Variants in ATF7IP observed in about 807,000 individuals in gnomAD.
ATF7IP encodes the protein activating transcription factor 7 interacting protein, also known as activating transcription factor 7-interacting protein 1.
In ATF7IP, 23 loss-of-function variants were observed where a neutral mutation model predicts 106.4. The observed-to-expected ratio is 0.22, with a 90% CI of 0.16 to 0.31. The LOEUF is 0.31. Among genes scored for constraint, ATF7IP ranks in the 10% least tolerant of loss-of-function variants. The pLI, the probability that ATF7IP is intolerant of heterozygous loss-of-function variation, is 1.00. For synonymous variants in ATF7IP, 542 were observed against 539.0 expected, an observed-to-expected ratio of 1.01 and a Z score of -0.08; for missense variants, 1,334 against 1,524.3, an observed-to-expected ratio of 0.88 and a Z score of 2.08.
At chr12:14,372,137 G>A (rs1352154018) in intron 1 of ATF7IP, among the ~76,000 whole-genome samples, 1 of 152,028 alleles carries the variant, frequency 6.6e-6, no homozygotes, top group Non-Finnish European at 1.5e-5. Context: ...TTATTAGAGA[G>A]GCCAAGAGTA....
chr12:14,412,623 CTT>C (rs1185165075), intron 1 of ATF7IP, among the ~76,000 whole-genome samples: 1 of 151,956 alleles, frequency 6.6e-6, no homozygotes, highest in Non-Finnish European at 1.5e-5. Context: ...TTGTTAAACT[CTT>C]ATTCTAATAA....
rs373695319 is a variant in ATF7IP at position 14,446,970 on chromosome 12, C to T, written c.1930-18C>T. The stretch of plus-strand genomic sequence containing the variant: ...CTATTTGATTTCCATTCATTTTTGT[C>T]TTTTTTTTTTTTTTCAGGCCAAGAT... On this transcript the variant is annotated intron_variant, in intron 5 of 14. Transcript: ENST00000261168. 969 of 1,224,066 alleles carry T rather than the reference C, an allele frequency of 7.9e-4. No individual in the cohort carries two copies. The highest frequency in any genetic ancestry group is 2.5e-3 in the South Asian group (135 of 54,684). The allele number at this position is 1,224,066 out of a possible 1,614,324, so 75.8% of individuals were successfully genotyped here. A position where few individuals can be genotyped will look rare whatever the true frequency, so the allele number is the denominator to read the frequency against.
intron 10 of ATF7IP, among the ~76,000 whole-genome samples, chr12:14,467,020 C>A (rs1176489726): frequency 6.6e-6 from 1 of 152,014 alleles, no homozygotes; most frequent in African/African-American, 2.4e-5. Context: ...ATCAGAAATA[C>A]CTTTTGAGGA....
At chr12:14,481,393 T>G in intron 13 of ATF7IP, 2 of 593,818 alleles carry the variant, frequency 3.4e-6, no homozygotes. Flanking sequence ...AAATAGCTGA[T>G]AGAGCAGATT....
intron 1 of ATF7IP, among the ~76,000 whole-genome samples, chr12:14,400,958 A>T (rs1378907277): frequency 6.6e-6 from 1 of 151,360 alleles, no homozygotes; most frequent in Admixed American, 6.6e-5. Flanking sequence ...TTTTTTTCCA[A>T]CTGTTTGTCC....
chr12:14,366,426 G>A (rs1591743849), intron 1 of ATF7IP, among the ~76,000 whole-genome samples: 1 of 152,158 alleles, frequency 6.6e-6, no homozygotes, highest in Admixed American at 6.5e-5. Context: ...TACCTGTTCT[G>A]TTATGGATGT....
chr12:14,408,458 G>A (rs909852526), intron 1 of ATF7IP: 1 of 152,062 alleles, frequency 6.6e-6, no homozygotes, highest in African/African-American at 2.4e-5. Context: ...GCTTTTATTA[G>A]CCAACCACAG....
chr12:14,446,209 G>A (rs907763580), intron 5 of ATF7IP, among the ~76,000 whole-genome samples: 4 of 151,648 alleles, frequency 2.6e-5, no homozygotes, highest in Non-Finnish European at 2.9e-5. Flanking sequence ...GTGCAGTGGC[G>A]CGATCTTGGC....
intron 13 of ATF7IP, among the ~76,000 whole-genome samples, chr12:14,495,306 C>T (rs1944980540): frequency 6.6e-6 from 1 of 152,190 alleles, no homozygotes; most frequent in Non-Finnish European, 1.5e-5. Context: ...AACCATCACA[C>T]ATATGTTGTA....
chr12:14,449,183 G>A (rs944669527), intron 6 of ATF7IP, among the ~76,000 whole-genome samples: 7 of 151,962 alleles, frequency 4.6e-5, no homozygotes, highest in African/African-American at 1.4e-4. Context: ...TTTCTTACCT[G>A]TGCTATTAGT....
intron 1 of ATF7IP, among the ~76,000 whole-genome samples, chr12:14,405,808 T>C (rs898445960): frequency 6.6e-6 from 1 of 152,170 alleles, no homozygotes; most frequent in African/African-American, 2.4e-5. Context: ...GTGAAGTTCC[T>C]GGAACTCTCT....
intron 9 of ATF7IP, among the ~76,000 whole-genome samples, chr12:14,465,713 G>C (rs1050136974): frequency 6.6e-6 from 1 of 151,876 alleles, no homozygotes; most frequent in African/African-American, 2.4e-5. Context: ...ATACATATGG[G>C]AATACATAGG....
intron 10 of ATF7IP, among the ~76,000 whole-genome samples, chr12:14,469,710 C>A (rs1943969753): frequency 6.6e-6 from 1 of 152,034 alleles, no homozygotes; most frequent in East Asian, 1.9e-4. Context: ...TTTCATAAGA[C>A]CCAGTAGTAG....
At chr12:14,483,602 G>C (rs1046231930) in intron 13 of ATF7IP, among the ~76,000 whole-genome samples, 1 of 152,024 alleles carries the variant, frequency 6.6e-6, no homozygotes. Flanking sequence ...TGGATCCCTA[G>C]GGGTGAAGGT....
At chr12:14,462,910 T>A (rs891709147) in intron 9 of ATF7IP, among the ~76,000 whole-genome samples, 1 of 152,034 alleles carries the variant, frequency 6.6e-6, no homozygotes, top group Non-Finnish European at 1.5e-5. Context: ...AATGCTTACC[T>A]ACATTTGATA....
chr12:14,451,619 G>GT (rs71067797), intron 6 of ATF7IP, among the ~76,000 whole-genome samples: 3,147 of 143,142 alleles, frequency 0.022, 32 homozygotes, highest in Middle Eastern at 0.036. Flanking sequence ...TGACTTGTTG[G>GT]TTTTTTTTTT....
intron 9 of ATF7IP, among the ~76,000 whole-genome samples, chr12:14,463,917 A>G (rs981866949): frequency 6.6e-6 from 1 of 152,194 alleles, no homozygotes; most frequent in African/African-American, 2.4e-5. Context: ...CATTTACTAA[A>G]CTAGATATTA....
chr12:14,388,100 G>T (rs1939344714), intron 1 of ATF7IP, among the ~76,000 whole-genome samples: 1 of 148,422 alleles, frequency 6.7e-6, no homozygotes, highest in Non-Finnish European at 1.5e-5. Flanking sequence ...TGCACCCTCT[G>T]CCTCCTGGGT....
intron 1 of ATF7IP, among the ~76,000 whole-genome samples, chr12:14,381,862 T>C (rs1442924745): frequency 9.2e-5 from 4 of 43,274 alleles, no homozygotes; most frequent in Non-Finnish European, 1.7e-4. Context: ...CTAGAATTAA[T>C]TCTAGTTTTT....
Sources: gnomAD v4.1 joint callset for allele counts (sites outside exome capture counted in the v4.1 genomes callset) on GRCh38, gnomAD v4.1.1 for gene constraint, MANE v1.5 for transcripts, NCBI Gene and HGNC (gene_info 2026-07-23, HGNC 2026-07-21) for gene names.